MTMR9: variants seen among roughly 807,000 people sequenced by gnomAD.
MTMR9 encodes myotubularin-related protein 9.
A neutral mutation model predicts 69.5 loss-of-function variants in MTMR9; 39 were observed. The ratio of observed to expected loss-of-function variants is 0.56; its 90% CI spans 0.43 to 0.73. The LOEUF is 0.73. Ranked by LOEUF, MTMR9 falls within the 30% of genes least tolerant of loss-of-function variation. The pLI is 0.00. For synonymous variants in MTMR9, 354 were observed against 240.8 expected (o/e 1.47, Z -4.35); for missense variants, 900 against 671.2 (o/e 1.34, Z -3.77).
At chr8:11,329,872 C>T (rs1352744381), downstream of MTMR9, among the ~76,000 whole-genome samples, 1 of 151,824 alleles carries the variant, frequency 6.6e-6, no homozygotes, top group African/African-American at 2.4e-5. Context: ...AAGTGAGGAG[C>T]GTCTCTGCCC....
At chr8:11,301,427 G>A (rs1180359066) in intron 3 of MTMR9, among the ~76,000 whole-genome samples, 3 of 152,168 alleles carry the variant, frequency 2.0e-5, no homozygotes, top group Admixed American at 1.3e-4. Context: ...TCAACCAATA[G>A]TATTGGAACA....
In MTMR9 at chr8:11,323,854, C is replaced by G. The variant is rs1218187824; in HGVS notation, c.*1066C>G. 1.3e-5 allele frequency: 2 copies of G among 152,068 alleles called. No individual in the cohort carries two copies. Among genetic ancestry groups the G allele is most frequent in the African/African-American group, 4.8e-5 (2 of 41,402 alleles). 9.4% of individuals were successfully genotyped at this position (152,068 alleles called of 1,614,324 possible). On this transcript the variant is annotated 3_prime_UTR_variant, in exon 10 of 10. Transcript: ENST00000221086. ...TCCATTATGTGTTAGGCAAATATAA[C>G]TTAAGTGGAGGGGGAAGTTTATGAA...
rs541810116 is a variant in MTMR9, at chr8:11,323,495, A to G, written c.*707A>G. 3.9e-4 allele frequency: 59 copies of G among 152,346 alleles called. No individual in the cohort carries two copies. Among genetic ancestry groups the G allele is most frequent in the African/African-American group, 1.3e-3 (54 of 41,592 alleles). The allele number at this position is 152,346 out of a possible 1,614,324, so 9.4% of individuals were successfully genotyped here. On this transcript the variant is annotated 3_prime_UTR_variant, in exon 10 of 10. Transcript: ENST00000221086. ...AAAAGTATGTGCAATATACAATTAA[A>G]GTAGGAATTTGTTACTGATTGAGAA...
At chr8:11,312,417 G>A (rs1206999337) in intron 6 of MTMR9, among the ~76,000 whole-genome samples, 1 of 152,142 alleles carries the variant, frequency 6.6e-6, no homozygotes, top group East Asian at 1.9e-4. Context: ...CACAGCCATA[G>A]CTCATTTTAA....
At chr8:11,303,296 A>G (rs900345048) in intron 3 of MTMR9, among the ~76,000 whole-genome samples, 12 of 151,264 alleles carry the variant, frequency 7.9e-5, no homozygotes, top group African/African-American at 2.7e-4. Context: ...ATTGCAGATC[A>G]ATGGAGAGCC....
At chr8:11,306,730 G>A (rs1381602837) in intron 5 of MTMR9, among the ~76,000 whole-genome samples, 2 of 152,194 alleles carry the variant, frequency 1.3e-5, no homozygotes, top group Non-Finnish European at 2.9e-5. Flanking sequence ...TCTCTTAGCA[G>A]TTTTCAAGCA....
At chr8:11,332,248 C>T, downstream of MTMR9, 1 of 1,397,266 alleles carries the variant, frequency 7.2e-7, no homozygotes. Flanking sequence ...GAAAGTCTAA[C>T]TTCCATAGCA....
chr8:11,318,950 G>C lies in MTMR9; in HGVS notation c.1335-737G>C, dbSNP rs1199034373. 7 of 151,992 alleles carry C rather than the reference G, an allele frequency of 4.6e-5. No homozygotes were observed. The East Asian group carries it at 1.3e-3, about 29-fold the overall frequency. The allele number at this position is 151,992 out of a possible 1,614,324, so 9.4% of individuals were successfully genotyped here. A position where few individuals can be genotyped will look rare whatever the true frequency, so the allele number is the denominator to read the frequency against. ...GGGGACTTGGGGGAGGGACAGAAGG[G>C]GGACGAGGGATAAAAGACTACAATT... is the stretch of plus-strand genomic sequence containing the variant. On this transcript the variant is annotated intron_variant, in intron 8 of 9. Transcript: ENST00000221086.
chr8:11,310,112 C>G (rs952529042), intron 6 of MTMR9, among the ~76,000 whole-genome samples: 1 of 152,178 alleles, frequency 6.6e-6, no homozygotes, highest in Admixed American at 6.5e-5. Flanking sequence ...TAAAATGATC[C>G]TTTCTAACCT....
At chr8:11,286,154 A>C (rs1193142962) in intron 1 of MTMR9, among the ~76,000 whole-genome samples, 1 of 151,478 alleles carries the variant, frequency 6.6e-6, no homozygotes, top group Non-Finnish European at 1.5e-5. Context: ...GGGTTTCACC[A>C]TATTGACCAG....
At chr8:11,306,477 T>C in intron 5 of MTMR9, 70 bp downstream of exon 5, 1 of 1,361,176 alleles carries the variant, frequency 7.3e-7, no homozygotes, top group Non-Finnish European at 1.0e-6. Flanking sequence ...CTTAGCCATT[T>C]GAAAATCACA....
chr8:11,315,105 A>T (rs761716459), intron 7 of MTMR9, 41 bp downstream of exon 7: 1 of 1,596,786 alleles, frequency 6.3e-7, no homozygotes, highest in East Asian at 2.2e-5. Flanking sequence ...CTGCTTATTG[A>T]TGCTGTGATC....
the MTMR9 span, among the ~76,000 whole-genome samples, chr8:11,335,227 G>A: frequency 1.3e-5 from 2 of 152,236 alleles, no homozygotes; most frequent in Non-Finnish European, 2.9e-5. Context: ...CAAGGTTGCA[G>A]GGTGCATGGT....
chr8:11,331,242 G>A (rs1449309346), downstream of MTMR9: 1 of 1,613,858 alleles, frequency 6.2e-7, no homozygotes, highest in East Asian at 2.2e-5. Flanking sequence ...GGCCCTGCTG[G>A]GTGGGGGCCT....
rs541945295 is a variant in MTMR9, at chr8:11,323,114, C to G, written c.*326C>G. ...AAAGCTTTTTCTCTGTGTCCACTCT[C>G]CAAACAGCATTCTAGAGCAGTCAAG... On this transcript the variant is annotated 3_prime_UTR_variant, in exon 10 of 10. Coordinates refer to ENST00000221086, the MANE Select transcript of MTMR9 (RefSeq NM_015458.4). 5.4e-6 allele frequency: 1 copy of G among 186,882 alleles called. No individual in the cohort carries two copies. The highest frequency in any genetic ancestry group is 1.5e-4 in the East Asian group (1 of 6,794). 11.6% of individuals were successfully genotyped at this position (186,882 alleles called of 1,614,324 possible). A position where few individuals can be genotyped will look rare whatever the true frequency, so the allele number is the denominator to read the frequency against.
At chr8:11,314,165 G>A (rs947573902) in intron 6 of MTMR9, among the ~76,000 whole-genome samples, 6 of 152,202 alleles carry the variant, frequency 3.9e-5, no homozygotes, top group Admixed American at 1.3e-4. Flanking sequence ...AACCAAACCC[G>A]AAGCTTTTGT....
At chr8:11,315,085 C>G (rs1299472377) in intron 7 of MTMR9, 21 bp downstream of exon 7, 4 of 1,606,352 alleles carry the variant, frequency 2.5e-6, no homozygotes, top group Middle Eastern at 1.7e-4. Context: ...CTGTTTGATT[C>G]ACAGAGGAAC....
chr8:11,301,198 A>T (rs912306968), intron 3 of MTMR9, among the ~76,000 whole-genome samples: 4 of 152,206 alleles, frequency 2.6e-5, no homozygotes, highest in African/African-American at 9.6e-5. Flanking sequence ...GGAAATGCAA[A>T]TTTAAATATA....
At chr8:11,317,316 C>G (rs1585132272) in intron 8 of MTMR9, 1 of 152,690 alleles carries the variant, frequency 6.5e-6, no homozygotes, top group Admixed American at 6.5e-5. Flanking sequence ...GATCCCCAAC[C>G]ATTTTGGCAC....
Sources: allele counts gnomAD v4.1 joint callset (sites outside exome capture counted in the v4.1 genomes callset), GRCh38; gene constraint gnomAD v4.1.1; transcripts MANE v1.5; gene names NCBI Gene and HGNC (gene_info 2026-07-23, HGNC 2026-07-21).